HDGFL3: variants seen among roughly 807,000 people sequenced by gnomAD.
The protein encoded by HDGFL3 is hepatoma-derived growth factor-related protein 3.
In HDGFL3, 6 loss-of-function variants were observed where a neutral mutation model predicts 27.6. The ratio of observed to expected loss-of-function variants is 0.22; its 90% CI spans 0.12 to 0.43. The LOEUF (loss-of-function observed/expected upper bound fraction) is 0.43. HDGFL3 is among the 20% of genes least tolerant of loss of function. The probability of loss-of-function intolerance (pLI) is 1.00; values close to 1 mark genes in which losing one functional copy is unlikely to be tolerated. For synonymous variants in HDGFL3, 88 were observed against 88.9 expected (o/e 0.99, Z 0.05); for missense variants, 207 against 250.1 (o/e 0.83, Z 1.16).
downstream of HDGFL3, chr15:83,127,295 C>T (rs546353984): frequency 2.8e-5 from 41 of 1,453,976 alleles, no homozygotes; most frequent in African/African-American, 5.9e-4. Flanking sequence ...CTTTTTTGTA[C>T]TTTTTAGTCA....
rs191636534 is a variant in HDGFL3 at position 83,150,928 on chromosome 15, T to C, written c.606+287A>G. ...TGAATTTTGGGGTGGCATTTCATAA[T>C]TTCAGTATTTCACATTGTACTTTAA... On this transcript the variant is annotated intron_variant, in intron 5 of 5. Coordinates refer to ENST00000299633, the MANE Select transcript of HDGFL3 (RefSeq NM_016073.4). Among the ~76,000 whole-genome samples the C allele has an allele frequency of 3.9e-3, 592 of 152,320 alleles. 4 individuals carry two copies. Among genetic ancestry groups the C allele is most frequent in the Non-Finnish European group, 6.1e-3 (413 of 68,022 alleles).
intron 1 of HDGFL3, among the ~76,000 whole-genome samples, chr15:83,191,826 A>G (rs1451234064): frequency 6.6e-6 from 1 of 152,140 alleles, no homozygotes; most frequent in African/African-American, 2.4e-5. Context: ...TCCAAGCACA[A>G]GCATGATAAT....
In HDGFL3 at chr15:83,147,950, A is replaced by G. The variant is rs955819082; in HGVS notation, c.606+3265T>C. 2.6e-5 allele frequency among the ~76,000 whole-genome samples: 4 copies of G among 152,350 alleles called. No homozygotes were observed. The South Asian group carries it at 6.2e-4, about 24-fold the overall frequency. On this transcript the variant is annotated intron_variant, in intron 5 of 5. Transcript: ENST00000299633. ...ACAAATCAGTAAGAAATGAAATCCA[A>G]TAAGAAAATGGGCAAAACCCAAAAC... is the stretch of plus-strand genomic sequence containing the variant.
intron 5 of HDGFL3, among the ~76,000 whole-genome samples, chr15:83,141,516 A>T (rs2036770514): frequency 6.6e-6 from 1 of 152,250 alleles, no homozygotes; most frequent in Non-Finnish European, 1.5e-5. Context: ...TTTTTTGCCA[A>T]TGATAAAATT....
intron 1 of HDGFL3, among the ~76,000 whole-genome samples, chr15:83,202,898 C>T (rs906426192): frequency 1.6e-4 from 24 of 152,088 alleles, no homozygotes; most frequent in African/African-American, 5.8e-4. Context: ...TTTGTTTACT[C>T]ATTCTCCTGC....
intron 3 of HDGFL3, chr15:83,115,752 T>A: frequency 1.1e-6 from 1 of 871,912 alleles, no homozygotes; most frequent in Non-Finnish European, 1.9e-6. Context: ...CTGGAAAACA[T>A]GAAAAACATT....
At chr15:83,173,496 AG>A (rs976338436) in intron 1 of HDGFL3, among the ~76,000 whole-genome samples, 1 of 152,198 alleles carries the variant, frequency 6.6e-6, no homozygotes, top group African/African-American at 2.4e-5. Context: ...TTGTAAGTTG[AG>A]GAACATCTGT....
chr15:83,118,820 T>A (rs2034944086), intron 3 of HDGFL3, among the ~76,000 whole-genome samples: 1 of 152,168 alleles, frequency 6.6e-6, no homozygotes, highest in African/African-American at 2.4e-5. Context: ...TGACAGTGAT[T>A]TTCTAGAAGC....
intron 1 of HDGFL3, among the ~76,000 whole-genome samples, chr15:83,201,076 A>G (rs1027904281): frequency 6.6e-6 from 1 of 152,112 alleles, no homozygotes; most frequent in Non-Finnish European, 1.5e-5. Flanking sequence ...ATAGTTGCCA[A>G]TAGTTTAAAT....
chr15:83,142,748 A>C (rs1331999622), intron 5 of HDGFL3, among the ~76,000 whole-genome samples: 4 of 152,162 alleles, frequency 2.6e-5, no homozygotes, highest in Non-Finnish European at 4.4e-5. Context: ...TATACCTTCA[A>C]CCACAATTAC....
chr15:83,121,093 CG>C (rs2035199480), intron 3 of HDGFL3, among the ~76,000 whole-genome samples: 1 of 151,306 alleles, frequency 6.6e-6, no homozygotes, highest in Non-Finnish European at 1.5e-5. Flanking sequence ...TATTTTGAGA[CG>C]GAGTCTCGCT....
chr15:83,124,588 C>T, downstream of HDGFL3: 2 of 1,020,558 alleles, frequency 2.0e-6, no homozygotes, highest in South Asian at 1.4e-5. Flanking sequence ...TTCTCTTATC[C>T]ATCATCATGA....
intron 1 of HDGFL3, among the ~76,000 whole-genome samples, chr15:83,201,073 C>T (rs1236449277): frequency 6.6e-6 from 1 of 151,942 alleles, no homozygotes; most frequent in East Asian, 1.9e-4. Flanking sequence ...TACATAGTTG[C>T]CAATAGTTTA....
intron 1 of HDGFL3, among the ~76,000 whole-genome samples, chr15:83,167,869 A>G (rs767001656): frequency 6.6e-6 from 1 of 152,228 alleles, no homozygotes; most frequent in Non-Finnish European, 1.5e-5. Flanking sequence ...ATCTGCACAC[A>G]GAACATACTC....
At chr15:83,177,065 G>GT (rs2037321732) in intron 1 of HDGFL3, among the ~76,000 whole-genome samples, 1 of 152,090 alleles carries the variant, frequency 6.6e-6, no homozygotes, top group Non-Finnish European at 1.5e-5. Context: ...TTACAGGCAC[G>GT]TGTCACTATG....
At chr15:83,169,813 A>G (rs1265777081) in intron 1 of HDGFL3, among the ~76,000 whole-genome samples, 2 of 152,142 alleles carry the variant, frequency 1.3e-5, no homozygotes, top group Non-Finnish European at 2.9e-5. Flanking sequence ...ACAAACAAAC[A>G]AAAATCCCTA....
At chr15:83,118,207 G>A (rs1018262427) in intron 3 of HDGFL3, among the ~76,000 whole-genome samples, 11 of 151,828 alleles carry the variant, frequency 7.2e-5, no homozygotes, top group Non-Finnish European at 1.3e-4. Context: ...CCGGGTGACA[G>A]AGTGAGACCC....
chr15:83,184,019 C>T (rs554444714), intron 1 of HDGFL3, among the ~76,000 whole-genome samples: 1 of 152,246 alleles, frequency 6.6e-6, no homozygotes, highest in East Asian at 1.9e-4. Context: ...CCTTGCCTCT[C>T]CCACCAAAAA....
intron 1 of HDGFL3, among the ~76,000 whole-genome samples, chr15:83,183,631 C>A (rs1305873994): frequency 6.6e-6 from 1 of 151,992 alleles, no homozygotes; most frequent in Admixed American, 6.6e-5. Flanking sequence ...TGTGGTGGCA[C>A]GCACCTGTAA....
Sources: allele counts gnomAD v4.1 joint callset (sites outside exome capture counted in the v4.1 genomes callset), GRCh38; gene constraint gnomAD v4.1.1; transcripts MANE v1.5; gene names NCBI Gene and HGNC (gene_info 2026-07-23, HGNC 2026-07-21).